SAMD3: variants seen among roughly 807,000 people sequenced by gnomAD.
SAMD3 encodes the protein sterile alpha motif domain-containing protein 3.
Under a neutral mutation model 58.5 loss-of-function variants are expected in SAMD3, and 63 were observed. The observed-to-expected ratio is 1.08, with a 90% CI of 0.88 to 1.33. The LOEUF is 1.33. SAMD3 is among the 40% of genes most tolerant of loss of function. SAMD3 has a pLI of 0.00. For missense variants in SAMD3, 604 were observed against 608.4 expected, an observed-to-expected ratio of 0.99 and a Z score of 0.08; for synonymous variants, 220 against 210.3, an observed-to-expected ratio of 1.05 and a Z score of -0.40.
At chr6:130,279,960 A>C (rs1408373083) in intron 2 of SAMD3, among the ~76,000 whole-genome samples, 2 of 152,216 alleles carry the variant, frequency 1.3e-5, no homozygotes, top group East Asian at 3.9e-4. Context: ...TCAAATTTTT[A>C]TTTCTTTCTC....
intron 1 of SAMD3, among the ~76,000 whole-genome samples, chr6:130,316,658 T>G (rs530429525): frequency 1.1e-4 from 17 of 152,278 alleles, no homozygotes; most frequent in Admixed American, 6.5e-4. Context: ...TTAAGGTGAA[T>G]GCATTGGGGT....
At chr6:130,356,455 G>A (rs922147811) in intron 1 of SAMD3, among the ~76,000 whole-genome samples, 22 of 152,062 alleles carry the variant, frequency 1.4e-4, no homozygotes, top group African/African-American at 5.1e-4. Flanking sequence ...TCTCATCCCA[G>A]GATTACTGTC....
At chr6:130,194,849 G>T (rs1013130834) in intron 5 of SAMD3, among the ~76,000 whole-genome samples, 1 of 152,148 alleles carries the variant, frequency 6.6e-6, no homozygotes, top group African/African-American at 2.4e-5. Context: ...AAGCCTACAG[G>T]ACCATCACAG....
At chr6:130,230,704 G>A (rs1796520914) in intron 2 of SAMD3, among the ~76,000 whole-genome samples, 1 of 152,146 alleles carries the variant, frequency 6.6e-6, no homozygotes. Flanking sequence ...CCTCTTCTAT[G>A]CACAATCCTT....
intron 5 of SAMD3, among the ~76,000 whole-genome samples, chr6:130,190,491 A>G (rs374392284): frequency 2.4e-4 from 36 of 152,332 alleles, no homozygotes; most frequent in African/African-American, 7.7e-4. Context: ...TTTAGCAAAG[A>G]AATAGAAATT....
chr6:130,331,646 G>A (rs1263906490), intron 1 of SAMD3, among the ~76,000 whole-genome samples: 1 of 152,324 alleles, frequency 6.6e-6, no homozygotes, highest in South Asian at 2.1e-4. Context: ...TTGAACCCGG[G>A]AGGCCGAGGT....
chr6:130,246,022 A>G (rs976272648), intron 2 of SAMD3, among the ~76,000 whole-genome samples: 1 of 152,184 alleles, frequency 6.6e-6, no homozygotes, highest in African/African-American at 2.4e-5. Flanking sequence ...TCAATCTGCA[A>G]ATTGAGTTAG....
chr6:130,230,760 A>C (rs1023032739), intron 2 of SAMD3, among the ~76,000 whole-genome samples: 4 of 152,234 alleles, frequency 2.6e-5, no homozygotes, highest in Non-Finnish European at 5.9e-5. Flanking sequence ...CTCAATAAAT[A>C]TTTGTTGAAT....
intron 2 of SAMD3, among the ~76,000 whole-genome samples, chr6:130,309,935 GGA>G (rs1776084893): frequency 6.6e-6 from 1 of 151,918 alleles, no homozygotes; most frequent in African/African-American, 2.4e-5. Flanking sequence ...AGAGAGAGAG[GGA>G]GAGAGAGAGA....
chr6:130,304,490 A>G (rs531151914), intron 2 of SAMD3, among the ~76,000 whole-genome samples: 3 of 152,304 alleles, frequency 2.0e-5, no homozygotes, highest in African/African-American at 7.2e-5. Flanking sequence ...TGTATAGATT[A>G]GTTGTTGGGC....
chr6:130,349,687 A>G (rs1384944493), intron 1 of SAMD3, among the ~76,000 whole-genome samples: 2 of 152,260 alleles, frequency 1.3e-5, no homozygotes, highest in African/African-American at 4.8e-5. Context: ...TCCAATCAAT[A>G]GAAAAAGAGG....
chr6:130,158,769 G>A (rs899962367), intron 8 of SAMD3, among the ~76,000 whole-genome samples: 2 of 152,194 alleles, frequency 1.3e-5, no homozygotes, highest in African/African-American at 4.8e-5. Flanking sequence ...CAAGCTGGCT[G>A]CTCAAGAGAA....
At chr6:130,224,280 G>A (rs918707673), upstream of SAMD3, among the ~76,000 whole-genome samples, 1 of 152,106 alleles carries the variant, frequency 6.6e-6, no homozygotes, top group Non-Finnish European at 1.5e-5. Context: ...ATGGGGGTGT[G>A]GCGGGCCAGA....
intron 5 of SAMD3, among the ~76,000 whole-genome samples, chr6:130,200,594 A>G (rs1487686080): frequency 2.0e-5 from 3 of 150,838 alleles, no homozygotes; most frequent in Non-Finnish European, 2.9e-5. Context: ...ATGAGGCATG[A>G]CATGCTCAGT....
At chr6:130,318,109 G>A (rs377301001) in intron 1 of SAMD3, among the ~76,000 whole-genome samples, 4 of 152,144 alleles carry the variant, frequency 2.6e-5, no homozygotes, top group South Asian at 2.1e-4. Flanking sequence ...GATTAGAGGC[G>A]AAATCCTTGG....
In SAMD3 at chr6:130,187,770, C is replaced by T. The variant is rs181122018; in HGVS notation, c.384-3147G>A. Among the ~76,000 whole-genome samples the T allele has an allele frequency of 8.6e-4, 131 of 152,250 alleles. 1 individual carries two copies. Among genetic ancestry groups the T allele is most frequent in the African/African-American group, 3.1e-3 (128 of 41,538 alleles). ...GCCAAAAGTAAGGGCAGGGAGCAGA[C>T]AGCAGTTCAACCCAAAGGATGGTTA... On this transcript the variant is annotated intron_variant, in intron 5 of 11. Coordinates refer to ENST00000439090, the MANE Select transcript of SAMD3 (RefSeq NM_001017373.4).
chr6:130,210,450 T>C (rs1795440576), intron 4 of SAMD3, among the ~76,000 whole-genome samples: 2 of 151,840 alleles, frequency 1.3e-5, no homozygotes, highest in Admixed American at 6.6e-5. Flanking sequence ...AACACAAAAA[T>C]TAGCTGGACA....
intron 2 of SAMD3, among the ~76,000 whole-genome samples, chr6:130,298,630 C>T (rs1051662646): frequency 1.3e-5 from 2 of 151,822 alleles, no homozygotes; most frequent in Non-Finnish European, 2.9e-5. Flanking sequence ...TAACATTGCA[C>T]CTAAAGGAAC....
intron 2 of SAMD3, among the ~76,000 whole-genome samples, chr6:130,242,549 T>C (rs542207559): frequency 2.0e-5 from 3 of 152,180 alleles, no homozygotes; most frequent in East Asian, 1.9e-4. Context: ...ATACATTAGA[T>C]GATGAACTGA....
Sources: gnomAD v4.1 joint callset for allele counts (sites outside exome capture counted in the v4.1 genomes callset) on GRCh38, gnomAD v4.1.1 for gene constraint, MANE v1.5 for transcripts, NCBI Gene and HGNC (gene_info 2026-07-23, HGNC 2026-07-21) for gene names.